Variants in SGK3 observed in about 807,000 individuals in gnomAD.
The protein encoded by SGK3 is serum/glucocorticoid regulated kinase family member 3, also known as serine/threonine-protein kinase Sgk3.
SGK3 carries 47 observed loss-of-function variants against 68.5 expected under a neutral mutation model. That is an observed-to-expected ratio of 0.69 (90% CI 0.54 to 0.87). SGK3 has a LOEUF of 0.87. Ranked by LOEUF, SGK3 falls within the 40% of genes least tolerant of loss-of-function variation. The probability of loss-of-function intolerance (pLI) is 0.00; values close to 1 mark genes in which losing one functional copy is unlikely to be tolerated. For missense variants in SGK3, 479 were observed against 575.5 expected (o/e 0.83, Z 1.72); for synonymous variants, 181 against 189.1 (o/e 0.96, Z 0.35).
chr8:66,828,362 A>G (rs145705039), intron 6 of SGK3, among the ~76,000 whole-genome samples: 11 of 152,300 alleles, frequency 7.2e-5, no homozygotes, highest in Non-Finnish European at 1.5e-4. Context: ...CACCTCCTCA[A>G]AGGAGCTTTC....
At chr8:66,839,968 T>C in intron 10 of SGK3, 35 bp from the exon 11 acceptor site, 1 of 1,578,950 alleles carries the variant, frequency 6.3e-7, no homozygotes, top group Non-Finnish European at 8.7e-7. Context: ...ATCCTAACAT[T>C]CTCTCTCCCC....
intron 1 of SGK3, among the ~76,000 whole-genome samples, chr8:66,762,661 T>C (rs1020670424): frequency 6.6e-6 from 1 of 152,244 alleles, no homozygotes; most frequent in Non-Finnish European, 1.5e-5. Flanking sequence ...TTTTTAGTTG[T>C]TTAGTCTAAT....
At chr8:66,792,954 A>AT (rs1359082952) in intron 1 of SGK3, among the ~76,000 whole-genome samples, 2 of 152,172 alleles carry the variant, frequency 1.3e-5, no homozygotes, top group African/African-American at 2.4e-5. Flanking sequence ...GTGTCAGAGT[A>AT]TGGGCTGCTG....
chr8:66,788,315 G>A lies in SGK3; in HGVS notation c.-121-5301G>A, dbSNP rs1807292722. Among the ~76,000 whole-genome samples the A allele has an allele frequency of 2.6e-5, 4 of 152,326 alleles. No individual in the cohort carries two copies. The South Asian group carries it at 8.3e-4, about 32-fold the overall frequency. ...AACCAGACAATACTCTGTTCACGAT[G>A]GGCTGTTGTTTTTACATAGTCTCTT... On this transcript the variant is annotated intron_variant, in intron 1 of 16. Coordinates refer to ENST00000521198, the MANE Select transcript of SGK3 (RefSeq NM_001033578.3).
Position 66,843,562 on chromosome 8 carries a change from A to G in SGK3, c.1074+15A>G. 1.9e-6 allele frequency: 3 copies of G among 1,605,460 alleles called. No individual in the cohort carries two copies. The highest frequency in any genetic ancestry group is 2.6e-6 in the Non-Finnish European group (3 of 1,173,924). ...TGTATGGATTGGTATGTATTTCTAT[A>G]CCTCATTATTCCAATGTATTATCAT... On this transcript the variant is annotated intron_variant, in intron 14 of 16. Transcript: ENST00000521198.
intron 1 of SGK3, among the ~76,000 whole-genome samples, chr8:66,792,604 T>G (rs1807511599): frequency 6.6e-6 from 1 of 152,100 alleles, no homozygotes; most frequent in Non-Finnish European, 1.5e-5. Flanking sequence ...TTAGTCTGGG[T>G]GCGGTGGCTC....
intron 14 of SGK3, among the ~76,000 whole-genome samples, chr8:66,845,859 C>A (rs1228815219): frequency 6.6e-6 from 1 of 151,828 alleles, no homozygotes; most frequent in East Asian, 1.9e-4. Context: ...TGCCTGGCGT[C>A]ACTTTTTATT....
At chr8:66,749,932 G>GGTGTGTGTGTGTGTGT (rs139702561) in intron 1 of SGK3, among the ~76,000 whole-genome samples, 1 of 144,834 alleles carries the variant, frequency 6.9e-6, no homozygotes, top group African/African-American at 2.5e-5. Context: ...TAGTTTCTAG[G>GGTGTGTGTGTGTGTGT]GTGTGTGTGT....
intron 16 of SGK3, among the ~76,000 whole-genome samples, chr8:66,855,246 A>G (rs1423887984): frequency 6.6e-6 from 1 of 152,186 alleles, no homozygotes; most frequent in Non-Finnish European, 1.5e-5. Flanking sequence ...TCTGTCGCCA[A>G]GGCTGGAGTA....
At chr8:66,771,978 G>A (rs186220238) in intron 1 of SGK3, among the ~76,000 whole-genome samples, 127 of 148,988 alleles carry the variant, frequency 8.5e-4, no homozygotes, top group African/African-American at 2.9e-3. Flanking sequence ...AGTAACTGGT[G>A]TTACTTCAGT....
intron 1 of SGK3, chr8:66,737,138 T>C (rs555709370): frequency 6.6e-6 from 1 of 152,054 alleles, no homozygotes; most frequent in Admixed American, 6.6e-5. Flanking sequence ...CCGATATTCT[T>C]AATAGATAAA....
intron 1 of SGK3, among the ~76,000 whole-genome samples, chr8:66,783,780 A>G (rs1177509168): frequency 6.6e-6 from 1 of 152,186 alleles, no homozygotes; most frequent in Non-Finnish European, 1.5e-5. Context: ...CCCATCTCAG[A>G]CACCCCAAGT....
chr8:66,787,497 A>C lies in SGK3; in HGVS notation c.-121-6119A>C, dbSNP rs1012948255. Reference sequence around the variant, plus strand: ...GTGGGATGGTGGGATAGTGGGCCTTAGTGTTGGTCTTTTCTGTTGGGGTTG... The same window carrying C: ...GTGGGATGGTGGGATAGTGGGCCTTCGTGTTGGTCTTTTCTGTTGGGGTTG... On this transcript the variant is annotated intron_variant, in intron 1 of 16. Coordinates refer to ENST00000521198, the MANE Select transcript of SGK3 (RefSeq NM_001033578.3). 2.6e-5 allele frequency among the ~76,000 whole-genome samples: 4 copies of C among 152,066 alleles called. 1 individual carries two copies. Among genetic ancestry groups the C allele is most frequent in the Non-Finnish European group, 4.4e-5 (3 of 68,014 alleles).
At chr8:66,808,512 A>G (rs1296140356) in intron 4 of SGK3, among the ~76,000 whole-genome samples, 24 of 149,656 alleles carry the variant, frequency 1.6e-4, no homozygotes, top group African/African-American at 2.5e-5. Context: ...AAAATCCTGT[A>G]ATTTTTTTTT....
chr8:66,730,246 A>G (rs1253220310), intron 1 of SGK3, among the ~76,000 whole-genome samples: 1 of 152,178 alleles, frequency 6.6e-6, no homozygotes, highest in Non-Finnish European at 1.5e-5. Flanking sequence ...CCATTGGCCA[A>G]CTGTGTATCT....
At chr8:66,828,364 G>A (rs908186752) in intron 6 of SGK3, among the ~76,000 whole-genome samples, 1 of 152,094 alleles carries the variant, frequency 6.6e-6, no homozygotes, top group South Asian at 2.1e-4. Context: ...CCTCCTCAAA[G>A]GAGCTTTCCT....
intron 1 of SGK3, among the ~76,000 whole-genome samples, chr8:66,716,345 G>A (rs1804630420): frequency 6.6e-6 from 1 of 152,176 alleles, no homozygotes; most frequent in South Asian, 2.1e-4. Context: ...GATGTTGAAG[G>A]CCAATTCAAA....
intron 1 of SGK3, among the ~76,000 whole-genome samples, chr8:66,754,996 T>C (rs778453730): frequency 5.3e-5 from 8 of 152,212 alleles, no homozygotes; most frequent in South Asian, 2.1e-4. Flanking sequence ...TGGTGGGTCA[T>C]GCCTGTAATC....
At chr8:66,747,262 T>A (rs144545873) in intron 1 of SGK3, among the ~76,000 whole-genome samples, 1 of 152,288 alleles carries the variant, frequency 6.6e-6, no homozygotes, top group East Asian at 1.9e-4. Context: ...AGACTTTTAT[T>A]CCCTAACCTC....
Sources: gnomAD v4.1 joint callset for allele counts (sites outside exome capture counted in the v4.1 genomes callset) on GRCh38, gnomAD v4.1.1 for gene constraint, MANE v1.5 for transcripts, NCBI Gene and HGNC (gene_info 2026-07-23, HGNC 2026-07-21) for gene names.